CACNB4: variants seen among roughly 807,000 people sequenced by gnomAD.
CACNB4 encodes voltage-dependent L-type calcium channel subunit beta-4.
Under a neutral mutation model 71.2 loss-of-function variants are expected in CACNB4, and 32 were observed. That is an observed-to-expected ratio of 0.45 (90% CI 0.34 to 0.60). CACNB4 has a LOEUF of 0.60. CACNB4 is among the 20% of genes least tolerant of loss of function. The pLI, the probability that CACNB4 is intolerant of heterozygous loss-of-function variation, is 0.01. For synonymous variants in CACNB4, 231 were observed against 236.9 expected, an observed-to-expected ratio of 0.97 and a Z score of 0.23; for missense variants, 464 against 647.9, an observed-to-expected ratio of 0.72 and a Z score of 3.08.
intron 2 of CACNB4, among the ~76,000 whole-genome samples, chr2:152,017,080 C>T (rs1248083715): frequency 6.7e-6 from 1 of 148,448 alleles, no homozygotes; most frequent in Non-Finnish European, 1.5e-5. Context: ...TAATTTACAA[C>T]TACAAACATG....
rs1004816363 is a variant in CACNB4 at position 151,832,797 on chromosome 2, TA to T, written c.*6321del. On this transcript the variant is annotated 3_prime_UTR_variant, in exon 14 of 14. Coordinates refer to ENST00000539935, the MANE Select transcript of CACNB4 (RefSeq NM_000726.5). Reference sequence around the variant, plus strand: ...TTCAGTGTTTTTTTCATTTATTATATAAAAGAAAAAAAGTAATGCAGTTGTT... The same window carrying T: ...TTCAGTGTTTTTTTCATTTATTATATAAAGAAAAAAAGTAATGCAGTTGTT... 6 of 152,128 alleles carry T rather than the reference TA, an allele frequency of 3.9e-5. No homozygotes were observed. The highest frequency in any genetic ancestry group is 1.4e-4 in the African/African-American group (6 of 41,446). 9.4% of individuals were successfully genotyped at this position (152,128 alleles called of 1,614,324 possible). A position where few individuals can be genotyped will look rare whatever the true frequency, so the allele number is the denominator to read the frequency against.
At chr2:151,840,377 A>C (rs1218439922) in intron 13 of CACNB4, among the ~76,000 whole-genome samples, 1 of 152,258 alleles carries the variant, frequency 6.6e-6, no homozygotes, top group African/African-American at 2.4e-5. Context: ...AACAGGGAGA[A>C]CCACTCTAGG....
At chr2:151,889,414 C>T (rs895418798) in intron 2 of CACNB4, among the ~76,000 whole-genome samples, 1 of 147,482 alleles carries the variant, frequency 6.8e-6, no homozygotes, top group Non-Finnish European at 1.5e-5. Context: ...TGCAGTGAGC[C>T]GAGATTGTGC....
At position 152,020,903 on chromosome 2, in the gene CACNB4, T is replaced by TC. The variant is rs561509895; in HGVS notation, c.147+77426dup. Among the ~76,000 whole-genome samples the TC allele has an allele frequency of 5.9e-5, 9 of 152,272 alleles. No individual in the cohort carries two copies. In the South Asian group the frequency reaches 1.9e-3, roughly 32 times the overall value. On this transcript the variant is annotated intron_variant, in intron 2 of 13. Transcript: ENST00000539935. ...ATCCTCCACCTGCATTCAAGGCTTATCCCCAAAATCAACGCTTAAAATAAC... is the reference window on the plus strand; with the variant it reads ...ATCCTCCACCTGCATTCAAGGCTTATCCCCCAAAATCAACGCTTAAAATAAC...
At chr2:152,035,951 A>G (rs562207906) in intron 2 of CACNB4, among the ~76,000 whole-genome samples, 2 of 152,316 alleles carry the variant, frequency 1.3e-5, no homozygotes, top group Non-Finnish European at 2.9e-5. Context: ...ATGAATGGAT[A>G]AACAAAATGT....
intron 2 of CACNB4, among the ~76,000 whole-genome samples, chr2:151,916,510 A>C (rs1485150331): frequency 6.6e-6 from 1 of 152,236 alleles, no homozygotes; most frequent in Non-Finnish European, 1.5e-5. Flanking sequence ...GTCATAGTGG[A>C]ATAAAGTATC....
chr2:152,080,936 C>T (rs1414521991), intron 2 of CACNB4, among the ~76,000 whole-genome samples: 1 of 152,156 alleles, frequency 6.6e-6, no homozygotes, highest in Non-Finnish European at 1.5e-5. Flanking sequence ...CCTTCACCTT[C>T]CACCATGACT....
chr2:152,075,787 G>C (rs1456056553), intron 2 of CACNB4, among the ~76,000 whole-genome samples: 1 of 152,140 alleles, frequency 6.6e-6, no homozygotes, highest in African/African-American at 2.4e-5. Flanking sequence ...CAGGAACTCA[G>C]GCATCGAATA....
intron 2 of CACNB4, among the ~76,000 whole-genome samples, chr2:151,961,821 G>T (rs991269565): frequency 1.3e-5 from 2 of 152,144 alleles, no homozygotes; most frequent in African/African-American, 4.8e-5. Context: ...AGCCCAGGAG[G>T]TCCAAGGCTG....
In CACNB4 at chr2:151,911,902, T is replaced by C. The variant is rs1046432045; in HGVS notation, c.148-28532A>G. ...TCTTCCTGGTTTAATCTCGGTAGGGTGTATGTGTCCAGGAATTCATCCATT... is the reference window on the plus strand; with the variant it reads ...TCTTCCTGGTTTAATCTCGGTAGGGCGTATGTGTCCAGGAATTCATCCATT... On this transcript the variant is annotated intron_variant, in intron 2 of 13. Coordinates refer to ENST00000539935, the MANE Select transcript of CACNB4 (RefSeq NM_000726.5). 7.2e-5 allele frequency among the ~76,000 whole-genome samples: 11 copies of C among 152,224 alleles called. No homozygotes were observed. The East Asian group carries it at 1.9e-3, about 27-fold the overall frequency.
At chr2:151,957,603 T>C (rs1270713440) in intron 2 of CACNB4, among the ~76,000 whole-genome samples, 2 of 152,218 alleles carry the variant, frequency 1.3e-5, no homozygotes, top group African/African-American at 4.8e-5. Flanking sequence ...ACTCTCGAGC[T>C]GACCAAGACA....
intron 2 of CACNB4, among the ~76,000 whole-genome samples, chr2:151,994,694 T>C (rs73013212): frequency 0.012 from 1,798 of 152,340 alleles, 39 homozygotes; most frequent in African/African-American, 0.041. Context: ...ATAGGCTCCT[T>C]AAGCAAATAT....
intron 2 of CACNB4, among the ~76,000 whole-genome samples, chr2:152,071,151 C>T (rs1218260031): frequency 6.6e-6 from 1 of 152,192 alleles, no homozygotes; most frequent in East Asian, 1.9e-4. Flanking sequence ...AGGCTGTATA[C>T]TTAATAACTG....
chr2:151,868,390 T>C (rs1336783416), intron 9 of CACNB4: 1 of 152,148 alleles, frequency 6.6e-6, no homozygotes, highest in Non-Finnish European at 1.5e-5. Context: ...AATCTCAGGT[T>C]TTTTCATGTG....
At chr2:152,029,507 A>AAG (rs1553815870) in intron 2 of CACNB4, among the ~76,000 whole-genome samples, 557 of 104,636 alleles carry the variant, frequency 5.3e-3, no homozygotes, top group African/African-American at 7.3e-3. Flanking sequence ...AAAAAAAAAA[A>AAG]AAAAGAAAAG....
chr2:151,845,007 A>C (rs1183495778), intron 12 of CACNB4, among the ~76,000 whole-genome samples: 1 of 152,196 alleles, frequency 6.6e-6, no homozygotes, highest in East Asian at 1.9e-4. Context: ...ATGGGTCCTG[A>C]CATTCACAGC....
intron 2 of CACNB4, among the ~76,000 whole-genome samples, chr2:152,070,969 G>A (rs960842001): frequency 2.0e-5 from 3 of 152,198 alleles, no homozygotes; most frequent in South Asian, 2.1e-4. Context: ...GTTTCGCCAT[G>A]TTGGCCTGGC....
At chr2:151,983,135 G>A (rs916832807) in intron 2 of CACNB4, among the ~76,000 whole-genome samples, 2 of 152,266 alleles carry the variant, frequency 1.3e-5, no homozygotes, top group Admixed American at 6.5e-5. Context: ...AAAACAAAAT[G>A]TTTGTGAGCT....
chr2:152,067,678 C>T (rs1400333728), intron 2 of CACNB4, among the ~76,000 whole-genome samples: 1 of 152,160 alleles, frequency 6.6e-6, no homozygotes, highest in Non-Finnish European at 1.5e-5. Flanking sequence ...TAGAAAGCAG[C>T]CCCTCTGGAT....
Sources: gnomAD v4.1 joint callset for allele counts (sites outside exome capture counted in the v4.1 genomes callset) on GRCh38, gnomAD v4.1.1 for gene constraint, MANE v1.5 for transcripts, NCBI Gene and HGNC (gene_info 2026-07-23, HGNC 2026-07-21) for gene names.